Variants in YJU2 observed in about 807,000 individuals in gnomAD.
YJU2 encodes the protein splicing factor YJU2.
A neutral mutation model predicts 39.6 loss-of-function variants in YJU2; 28 were observed. The observed-to-expected ratio is 0.71, with a 90% confidence interval of 0.52 to 0.97. The LOEUF (loss-of-function observed/expected upper bound fraction) is 0.97, where lower values mean the gene tolerates loss of function less well. YJU2 is among the 50% of genes least tolerant of loss of function. YJU2 has a pLI of 0.00. For missense variants in YJU2, 328 were observed against 430.4 expected (o/e 0.76, Z 2.11); for synonymous variants, 184 against 182.4 (o/e 1.01, Z -0.07).
intron 2 of YJU2, among the ~76,000 whole-genome samples, chr19:4,249,538 T>TGA (rs1446972684): frequency 6.6e-6 from 1 of 151,850 alleles, no homozygotes; most frequent in Non-Finnish European, 1.5e-5. Context: ...GTGCCTGCCT[T>TGA]GAGATCATGG....
chr19:4,258,365 C>A lies in YJU2; in HGVS notation c.529C>A (p.Arg177Ser). 2 of 1,597,014 alleles carry A rather than the reference C, an allele frequency of 1.3e-6. No individual in the cohort carries two copies. The highest frequency in any genetic ancestry group is 1.7e-6 in the Non-Finnish European group (2 of 1,173,686). The stretch of plus-strand genomic sequence containing the variant: ...CTTCGAGGCTATGCTGAGGCAGCAC[C>A]GCCTGTCGGAGGAGGAGCGGCGGAG... The part of the protein sequence containing the change: ...VDFEAMLRQH[R>S]LSEEERRRQQ... Residue 177 changes from arginine (R) to serine (S), a missense_variant, in exon 5 of 8, where the codon CGC becomes AGC. Arg to Ser is a moderately radical substitution (Grantham distance 110). Coordinates refer to ENST00000262962, the MANE Select transcript of YJU2 (RefSeq NM_018074.6).
chr19:4,249,978 A>G (rs1970962582), intron 2 of YJU2, among the ~76,000 whole-genome samples: 1 of 152,030 alleles, frequency 6.6e-6, no homozygotes, highest in African/African-American at 2.4e-5. Context: ...AAGTGCTGGG[A>G]TTGCAGGCGT....
intron 5 of YJU2, 32 bp downstream of exon 5, chr19:4,258,455 C>A: frequency 6.4e-7 from 1 of 1,550,614 alleles, no homozygotes; most frequent in Non-Finnish European, 8.7e-7. Context: ...CCAGCCCCAC[C>A]TCGCAGCCTC....
intron 3 of YJU2, 65 bp from the exon 4 acceptor site, chr19:4,254,290 T>G: frequency 8.5e-7 from 1 of 1,177,808 alleles, no homozygotes. Flanking sequence ...GATCTGCTGG[T>G]GGTACTTTAG....
intron 6 of YJU2, among the ~76,000 whole-genome samples, chr19:4,263,338 G>T (rs1233891112): frequency 6.6e-6 from 1 of 152,076 alleles, no homozygotes; most frequent in East Asian, 1.9e-4. Flanking sequence ...GCACCTTCAG[G>T]GTCCGGCTGT....
chr19:4,257,130 A>C (rs1452338305), intron 4 of YJU2, among the ~76,000 whole-genome samples: 1 of 152,046 alleles, frequency 6.6e-6, no homozygotes, highest in African/African-American at 2.4e-5. Context: ...CTGGCTCCAA[A>C]GCCACTTCTC....
chr19:4,247,602 T>C (rs1237796239), intron 1 of YJU2, among the ~76,000 whole-genome samples: 197 of 7,988 alleles, frequency 0.025, 26 homozygotes, highest in African/African-American at 0.043. Flanking sequence ...TGTGTGTGTG[T>C]GTGTGTGTGT....
At chr19:4,258,569 T>A (rs1392572686) in intron 5 of YJU2, 146 bp downstream of exon 5, 4 of 1,329,962 alleles carry the variant, frequency 3.0e-6, no homozygotes, top group Non-Finnish European at 4.0e-6. Context: ...TTCTCCCTTG[T>A]GGCGTCTCTC....
chr19:4,259,624 C>G lies in YJU2; in HGVS notation c.587+1201C>G, dbSNP rs893987900. 1.8e-4 allele frequency among the ~76,000 whole-genome samples: 27 copies of G among 152,224 alleles called. No homozygotes were observed. In the East Asian group the frequency reaches 5.2e-3, roughly 29 times the overall value. Reference sequence around the variant, plus strand: ...TGAACTCCTGGCCTCAAGCGATCCTCCCACCTTAGTCTCCTGAAGTGCTGG... The same window carrying G: ...TGAACTCCTGGCCTCAAGCGATCCTGCCACCTTAGTCTCCTGAAGTGCTGG... On this transcript the variant is annotated intron_variant, in intron 5 of 7. Transcript: ENST00000262962.
chr19:4,249,233 C>A lies in YJU2; in HGVS notation c.30C>A (p.Tyr10Ter), dbSNP rs1361704423. The A allele has an allele frequency of 1.2e-6, 2 of 1,610,970 alleles. No homozygotes were observed. The highest frequency in any genetic ancestry group is 2.7e-5 in the African/African-American group (2 of 74,826). ...GTTTCCTTCCTCCCCTGCAGAAATA[C>A]TACCCGCCGGACTTTGACCCATCAA... MSERKVLNK[Y>*]YPPDFDPSKI... Residue 10 changes from tyrosine to a stop codon, truncating the protein, a stop_gained, in exon 2 of 8, where the codon TAC becomes TAA. Transcript: ENST00000262962. LOFTEE classifies it high-confidence loss of function.
chr19:4,258,574 T>G, intron 5 of YJU2, 151 bp downstream of exon 5: 1 of 1,300,446 alleles, frequency 7.7e-7, no homozygotes, highest in Non-Finnish European at 1.0e-6. Flanking sequence ...CCTTGTGGCG[T>G]CTCTCGAGGG....
chr19:4,256,955 C>T (rs186962965), intron 4 of YJU2, among the ~76,000 whole-genome samples: 1 of 152,180 alleles, frequency 6.6e-6, no homozygotes, highest in Non-Finnish European at 1.5e-5. Flanking sequence ...GCTTGTCCAG[C>T]CCCTGCTCAA....
At chr19:4,264,261 CAAAA>C (rs748910280) in intron 6 of YJU2, among the ~76,000 whole-genome samples, 5 of 43,948 alleles carry the variant, frequency 1.1e-4, no homozygotes, top group South Asian at 1.2e-3. Context: ...GACTCTGTCT[CAAAA>C]AAAAAAAAAA....
At chr19:4,257,106 C>T (rs1456788775) in intron 4 of YJU2, among the ~76,000 whole-genome samples, 2 of 152,026 alleles carry the variant, frequency 1.3e-5, no homozygotes, top group East Asian at 3.9e-4. Flanking sequence ...AGGCAGGATT[C>T]ACTCCCAACC....
chr19:4,255,796 C>T (rs965068136), intron 4 of YJU2, among the ~76,000 whole-genome samples: 1 of 150,904 alleles, frequency 6.6e-6, no homozygotes, highest in Non-Finnish European at 1.5e-5. Context: ...CACCTGAGGT[C>T]AGGAGTTCAA....
intron 1 of YJU2, among the ~76,000 whole-genome samples, chr19:4,247,822 G>A (rs1037369833): frequency 1.3e-5 from 2 of 151,790 alleles, no homozygotes; most frequent in Non-Finnish European, 2.9e-5. Context: ...CAGACTCCCA[G>A]AAGAAAAGCA....
intron 5 of YJU2, among the ~76,000 whole-genome samples, chr19:4,258,696 G>C (rs969094211): frequency 4.6e-5 from 7 of 152,244 alleles, no homozygotes; most frequent in African/African-American, 1.7e-4. Context: ...GGCATGTGTG[G>C]TGTGTCGGGG....
At chr19:4,256,824 C>G (rs4807553) in intron 4 of YJU2, among the ~76,000 whole-genome samples, 1 of 151,564 alleles carries the variant, frequency 6.6e-6, no homozygotes, top group African/African-American at 2.4e-5. Context: ...CACAACATGG[C>G]AGCTGCGTAC....
At chr19:4,267,226 A>G (rs1010333546) in intron 6 of YJU2, among the ~76,000 whole-genome samples, 54 of 152,086 alleles carry the variant, frequency 3.6e-4, no homozygotes, top group African/African-American at 1.2e-3. Flanking sequence ...GAGCGTGGAC[A>G]TGCAGCCTGC....
Sources: allele counts gnomAD v4.1 joint callset (sites outside exome capture counted in the v4.1 genomes callset), GRCh38; gene constraint gnomAD v4.1.1; transcripts MANE v1.5; gene names NCBI Gene and HGNC (gene_info 2026-07-23, HGNC 2026-07-21).